Variants in CACNA1E observed in about 807,000 individuals in gnomAD.
CACNA1E encodes calcium voltage-gated channel subunit alpha1 E.
A neutral mutation model predicts 259.2 loss-of-function variants in CACNA1E; 40 were observed. The observed-to-expected ratio is 0.15, with a 90% CI of 0.12 to 0.20. The LOEUF (loss-of-function observed/expected upper bound fraction) is 0.20, where lower values mean the gene tolerates loss of function less well. CACNA1E is among the 10% of genes least tolerant of loss of function. The probability of loss-of-function intolerance (pLI) is 1.00; values close to 1 mark genes in which losing one functional copy is unlikely to be tolerated. For missense variants in CACNA1E, 1,874 were observed against 3,040.1 expected (o/e 0.62, Z 9.02); for synonymous variants, 1,104 against 1,138.5 (o/e 0.97, Z 0.61).
At chr1:181,523,925 AAT>A (rs1667165716) in intron 3 of CACNA1E, among the ~76,000 whole-genome samples, 1 of 152,214 alleles carries the variant, frequency 6.6e-6, no homozygotes, top group Non-Finnish European at 1.5e-5. Flanking sequence ...AGAACAGTCT[AAT>A]TGGAGTTCAC....
At chr1:181,601,579 T>G (rs1349713001) in intron 6 of CACNA1E, among the ~76,000 whole-genome samples, 1 of 152,158 alleles carries the variant, frequency 6.6e-6, no homozygotes, top group Admixed American at 6.5e-5. Flanking sequence ...CACCCCACAT[T>G]TAACTCATCA....
intron 1 of CACNA1E, among the ~76,000 whole-genome samples, chr1:181,501,612 C>T (rs966299507): frequency 6.6e-6 from 1 of 152,200 alleles, no homozygotes; most frequent in Non-Finnish European, 1.5e-5. Flanking sequence ...TTGGGGAGTT[C>T]TCTGCCTCTT....
At chr1:181,379,769 A>G (rs1252620952) in intron 1 of CACNA1E, among the ~76,000 whole-genome samples, 1 of 152,148 alleles carries the variant, frequency 6.6e-6, no homozygotes, top group Admixed American at 6.5e-5. Flanking sequence ...AGGTGTCAAC[A>G]TATGAATTTG....
chr1:181,631,836 A>T (rs1209278343), intron 6 of CACNA1E, among the ~76,000 whole-genome samples: 2 of 152,200 alleles, frequency 1.3e-5, no homozygotes, highest in Non-Finnish European at 2.9e-5. Context: ...GCATTGACAG[A>T]TCCTTTGTGG....
chr1:181,338,934 A>T (rs12119976), intron 1 of CACNA1E, among the ~76,000 whole-genome samples: 2 of 151,612 alleles, frequency 1.3e-5, no homozygotes, highest in Non-Finnish European at 2.9e-5. Flanking sequence ...TCTCTCCATT[A>T]TGTATTCTTG....
At chr1:181,347,661 G>A (rs917468402) in intron 1 of CACNA1E, among the ~76,000 whole-genome samples, 11 of 152,212 alleles carry the variant, frequency 7.2e-5, no homozygotes, top group African/African-American at 2.7e-4. Context: ...TATTCACGTT[G>A]CGTGTTTCAG....
At chr1:181,418,839 T>C (rs1658493364) in intron 2 of CACNA1E, among the ~76,000 whole-genome samples, 1 of 151,932 alleles carries the variant, frequency 6.6e-6, no homozygotes, top group Non-Finnish European at 1.5e-5. Context: ...TTATTTTTAT[T>C]CCACACACGT....
intron 1 of CACNA1E, among the ~76,000 whole-genome samples, chr1:181,500,088 A>C (rs1665114511): frequency 6.6e-6 from 1 of 152,348 alleles, no homozygotes; most frequent in African/African-American, 2.4e-5. Context: ...TGGACCAGAC[A>C]TCCTGAATGC....
intron 1 of CACNA1E, among the ~76,000 whole-genome samples, chr1:181,484,623 T>G (rs569856873): frequency 1.3e-5 from 2 of 152,318 alleles, no homozygotes; most frequent in South Asian, 4.1e-4. Context: ...TGAGTGTCTG[T>G]CAGGGGAGGT....
chr1:181,408,133 A>G (rs541945379), intron 1 of CACNA1E, among the ~76,000 whole-genome samples: 7 of 152,172 alleles, frequency 4.6e-5, no homozygotes, highest in Admixed American at 3.9e-4. Flanking sequence ...TGAACTCAGA[A>G]CTTTCAGGGA....
intron 1 of CACNA1E, among the ~76,000 whole-genome samples, chr1:181,490,285 G>A (rs954093190): frequency 1.4e-4 from 21 of 152,046 alleles, no homozygotes; most frequent in Admixed American, 1.4e-3. Flanking sequence ...CCACCTCCCA[G>A]AGCAGTGGGT....
At chr1:181,344,797 C>A (rs188678954) in intron 1 of CACNA1E, among the ~76,000 whole-genome samples, 1 of 152,232 alleles carries the variant, frequency 6.6e-6, no homozygotes, top group African/African-American at 2.4e-5. Flanking sequence ...GGCTGGCCAT[C>A]GGCCTGGGAA....
At chr1:181,691,150 C>A (rs1206822364) in intron 7 of CACNA1E, among the ~76,000 whole-genome samples, 1 of 151,828 alleles carries the variant, frequency 6.6e-6, no homozygotes. Context: ...ATTAGCCTCA[C>A]TTTCAGTTTT....
intron 1 of CACNA1E, among the ~76,000 whole-genome samples, chr1:181,335,574 G>A (rs901886779): frequency 1.1e-4 from 16 of 152,218 alleles, no homozygotes; most frequent in Non-Finnish European, 1.5e-5. Flanking sequence ...AGCTGTGCAT[G>A]CTGCTGTAGT....
At chr1:181,479,196 G>A (rs1350239481), upstream of CACNA1E, among the ~76,000 whole-genome samples, 4 of 152,136 alleles carry the variant, frequency 2.6e-5, no homozygotes, top group Non-Finnish European at 4.4e-5. Context: ...GCTGCATTGT[G>A]GTGAAATTTA....
chr1:181,680,675 C>T (rs1039110176), intron 7 of CACNA1E, among the ~76,000 whole-genome samples: 3 of 152,230 alleles, frequency 2.0e-5, no homozygotes, highest in Admixed American at 2.0e-4. Flanking sequence ...CACTTCACCA[C>T]ACCCCATCCC....
intron 6 of CACNA1E, among the ~76,000 whole-genome samples, chr1:181,613,705 A>G (rs1015289580): frequency 6.6e-6 from 1 of 152,216 alleles, no homozygotes; most frequent in Non-Finnish European, 1.5e-5. Flanking sequence ...AAAACAGTAG[A>G]GTTAGCCTAT....
intron 6 of CACNA1E, among the ~76,000 whole-genome samples, chr1:181,624,957 T>A (rs1337442639): frequency 6.6e-6 from 1 of 152,158 alleles, no homozygotes; most frequent in Non-Finnish European, 1.5e-5. Context: ...GATGTTGTGT[T>A]ATCAGGCATG....
chr1:181,629,565 A>C (rs1656503972), intron 6 of CACNA1E, among the ~76,000 whole-genome samples: 1 of 152,170 alleles, frequency 6.6e-6, no homozygotes, highest in African/African-American at 2.4e-5. Context: ...TATATAAATT[A>C]CAAATTTTTT....
Sources: allele counts gnomAD v4.1 joint callset (sites outside exome capture counted in the v4.1 genomes callset), GRCh38; gene constraint gnomAD v4.1.1; transcripts MANE v1.5; gene names NCBI Gene and HGNC (gene_info 2026-07-23, HGNC 2026-07-21).